ZBTB40: variants seen among roughly 807,000 people sequenced by gnomAD.
The protein encoded by ZBTB40 is zinc finger and BTB domain containing 40.
In ZBTB40, 60 loss-of-function variants were observed where a neutral mutation model predicts 117.5. The ratio of observed to expected loss-of-function variants is 0.51; its 90% confidence interval spans 0.41 to 0.63. The LOEUF is 0.63. ZBTB40 is among the 30% of genes least tolerant of loss of function. The pLI is 0.00. For missense variants in ZBTB40, 1,287 were observed against 1,498.5 expected, an observed-to-expected ratio of 0.86 and a Z score of 2.33; for synonymous variants, 525 against 577.1, an observed-to-expected ratio of 0.91 and a Z score of 1.29.
intron 1 of ZBTB40, among the ~76,000 whole-genome samples, chr1:22,460,104 T>C (rs1346714024): frequency 6.6e-6 from 1 of 152,202 alleles, no homozygotes; most frequent in Non-Finnish European, 1.5e-5. Flanking sequence ...GTTCCCTAAA[T>C]CTCCTTCTTT....
Position 22,489,777 on chromosome 1 carries a change from G to T in ZBTB40, c.-69-103G>T. On this transcript the variant is annotated intron_variant, in intron 1 of 17. Transcript: ENST00000375647. ...CCCTTCCTATTAAGCAATATTTGTT[G>T]GATGAATGAGTGAAATGCCTTTCTG... 3 of 685,624 alleles carry T rather than the reference G, an allele frequency of 4.4e-6. No homozygotes were observed. The South Asian group carries it at 4.7e-5, about 11-fold the overall frequency. The allele number at this position is 685,624 out of a possible 1,614,324, so 42.5% of individuals were successfully genotyped here. A position where few individuals can be genotyped will look rare whatever the true frequency, so the allele number is the denominator to read the frequency against.
At chr1:22,518,034 GCACA>G (rs1639422137) in intron 13 of ZBTB40, among the ~76,000 whole-genome samples, 1 of 152,164 alleles carries the variant, frequency 6.6e-6, no homozygotes, top group Admixed American at 6.5e-5. Flanking sequence ...GCATGCGTGG[GCACA>G]CACACATATA....
At position 22,530,110 on chromosome 1, in the gene ZBTB40, G is replaced by A. The variant is rs1639790959; in HGVS notation, c.*3714G>A. On this transcript the variant is annotated 3_prime_UTR_variant, in exon 18 of 18. Transcript: ENST00000375647. ...GGGAGGGAAGTGCTAACCATGTATA[G>A]AGTGGGCAGGCGGTTCCAGGGAGAC... is the stretch of plus-strand genomic sequence containing the variant. The A allele has an allele frequency of 6.6e-6, 1 of 152,280 alleles. No individual in the cohort carries two copies. The highest frequency in any genetic ancestry group is 2.4e-5 in the African/African-American group (1 of 41,408). 9.4% of individuals were successfully genotyped at this position (152,280 alleles called of 1,614,324 possible). A position where few individuals can be genotyped will look rare whatever the true frequency, so the allele number is the denominator to read the frequency against.
Position 22,490,519 on chromosome 1 carries a change from C to T in ZBTB40, c.571C>T (p.Pro191Ser). Residue 191 changes from proline to serine, a missense_variant, in exon 2 of 18, where the codon CCC becomes TCC. Coordinates refer to ENST00000375647, the MANE Select transcript of ZBTB40 (RefSeq NM_014870.4). ...TTCACAAGAGATGAGTGTGAATTCTCCCACAGCCCAGGAGAGCCAGAGGAA... is the reference window on the plus strand; with the variant it reads ...TTCACAAGAGATGAGTGTGAATTCTTCCACAGCCCAGGAGAGCCAGAGGAA... ...SVSQEMSVNS[P>S]TAQESQRNAE... 6.2e-7 allele frequency: 1 copy of T among 1,606,850 alleles called. No homozygotes were observed. The highest frequency in any genetic ancestry group is 1.1e-5 in the South Asian group (1 of 90,382).
rs922171282 is a variant in ZBTB40 at position 22,459,109 on chromosome 1, A to G, written c.-70+7105A>G. Among the ~76,000 whole-genome samples, 4 of 152,334 alleles carry G rather than the reference A, an allele frequency of 2.6e-5. No homozygotes were observed. In the East Asian group the frequency reaches 7.7e-4, roughly 29 times the overall value. Reference sequence around the variant, plus strand: ...CTTTTTATGAGATAAAGGATATATCATGTCTGTGATACAGATTGCAAATAT... The same window carrying G: ...CTTTTTATGAGATAAAGGATATATCGTGTCTGTGATACAGATTGCAAATAT... On this transcript the variant is annotated intron_variant, in intron 1 of 17. Transcript: ENST00000375647.
At chr1:22,498,863 C>A (rs2124440889) in intron 3 of ZBTB40, among the ~76,000 whole-genome samples, 1 of 151,146 alleles carries the variant, frequency 6.6e-6, no homozygotes, top group Non-Finnish European at 1.5e-5. Flanking sequence ...AAAAGGCAGG[C>A]AGGAAGGAAA....
chr1:22,508,995 T>C (rs1461207886), intron 8 of ZBTB40, 105 bp from the exon 9 acceptor site: 5 of 1,568,270 alleles, frequency 3.2e-6, no homozygotes, highest in African/African-American at 1.4e-5. Context: ...AGATAGGAGA[T>C]AGGGGAAATG....
At chr1:22,434,688 A>C (rs1224984847) in intron 1 of ZBTB40, among the ~76,000 whole-genome samples, 1 of 152,204 alleles carries the variant, frequency 6.6e-6, no homozygotes, top group East Asian at 1.9e-4. Flanking sequence ...TCTTTACTTC[A>C]CATCTTTAGC....
intron 1 of ZBTB40, among the ~76,000 whole-genome samples, chr1:22,442,304 AAGAG>A (rs1293120155): frequency 6.6e-6 from 1 of 152,036 alleles, no homozygotes; most frequent in South Asian, 2.1e-4. Flanking sequence ...GAGAAAGGAC[AAGAG>A]AGAGAGAGAC....
At chr1:22,466,594 T>C (rs557406852) in intron 1 of ZBTB40, among the ~76,000 whole-genome samples, 2 of 152,276 alleles carry the variant, frequency 1.3e-5, no homozygotes, top group East Asian at 3.9e-4. Flanking sequence ...CCTAGTGTTA[T>C]GTGAAGTTGT....
intron 1 of ZBTB40, among the ~76,000 whole-genome samples, chr1:22,463,464 C>T (rs545896527): frequency 1.1e-4 from 16 of 152,290 alleles, no homozygotes; most frequent in African/African-American, 3.6e-4. Context: ...CCTTTCAGTA[C>T]CAGTGACAAA....
chr1:22,513,060 C>G lies in ZBTB40; in HGVS notation c.2598C>G (p.Cys866Trp), dbSNP rs1392813526. 6.2e-7 allele frequency: 1 copy of G among 1,614,198 alleles called. No individual in the cohort carries two copies. Residue 866 changes from cysteine to tryptophan, a missense_variant, in exon 12 of 18, where the codon TGC becomes TGG. This residue lies in a region of ZBTB40 where 417 missense variants were observed against 564.1 expected (regional missense o/e 0.74). Transcript: ENST00000375647. This position sits in a 1 kb window ranked among gnomAD's most constrained non-coding sequence, Gnocchi z 4.9. ...RLHTGDRPFM[C>W]KHCLMTFTQA... Reference sequence around the variant, plus strand: ...ACACCGGGGACCGCCCGTTCATGTGCAAGCACTGCCTCATGACCTTCACCC... The same window carrying G: ...ACACCGGGGACCGCCCGTTCATGTGGAAGCACTGCCTCATGACCTTCACCC...
rs546697014 is a variant in ZBTB40, at chr1:22,436,149, A to C, written c.-70+7135A>C. Among the ~76,000 whole-genome samples, 65 of 152,348 alleles carry C rather than the reference A, an allele frequency of 4.3e-4. No homozygotes were observed. In the South Asian group the frequency reaches 0.013, roughly 32 times the overall value. ...TCTGCCTCCCAGGTTCATATGACCT[A>C]GTCTTCACATTCCTAAGTGTTTAAA... On this transcript the variant is annotated intron_variant, in intron 1 of 8. Coordinates refer to the ZBTB40 transcript ENST00000650433.
intron 1 of ZBTB40, among the ~76,000 whole-genome samples, chr1:22,458,559 G>A (rs1380831520): frequency 2.0e-5 from 3 of 152,176 alleles, no homozygotes; most frequent in Admixed American, 2.0e-4. Flanking sequence ...ATTACTGAAT[G>A]CTGTTTGGGT....
At chr1:22,495,050 T>A (rs1167025499) in intron 3 of ZBTB40, among the ~76,000 whole-genome samples, 1 of 152,228 alleles carries the variant, frequency 6.6e-6, no homozygotes, top group East Asian at 1.9e-4. Context: ...TGTTGTTTAG[T>A]TAATCTTAAC....
intron 1 of ZBTB40, among the ~76,000 whole-genome samples, chr1:22,488,208 A>G (rs1014074891): frequency 1.3e-5 from 2 of 152,250 alleles, no homozygotes; most frequent in Admixed American, 1.3e-4. Context: ...AGTAATCAAC[A>G]GTATTTGTGT....
At chr1:22,469,315 C>G (rs1291743671) in intron 1 of ZBTB40, among the ~76,000 whole-genome samples, 1 of 151,036 alleles carries the variant, frequency 6.6e-6, no homozygotes, top group Non-Finnish European at 1.5e-5. Context: ...TGTATTACTT[C>G]TTTTTTTTTA....
At position 22,526,645 on chromosome 1, in the gene ZBTB40, T is replaced by C; in HGVS notation, c.*249T>C. On this transcript the variant is annotated 3_prime_UTR_variant, in exon 18 of 18. Coordinates refer to ENST00000375647, the MANE Select transcript of ZBTB40 (RefSeq NM_014870.4). ...GCCTCCCTCCCCACAGGCCCGCTGCTGCGGCCTCTATGACACTGTCCATCC... is the reference window on the plus strand; with the variant it reads ...GCCTCCCTCCCCACAGGCCCGCTGCCGCGGCCTCTATGACACTGTCCATCC... 1 of 516,468 alleles carries C rather than the reference T, an allele frequency of 1.9e-6. No homozygotes were observed. Among genetic ancestry groups the C allele is most frequent in the South Asian group, 1.9e-5 (1 of 51,314 alleles). The allele number at this position is 516,468 out of a possible 1,614,324, so 32.0% of individuals were successfully genotyped here.
intron 12 of ZBTB40, 58 bp from the exon 13 acceptor site, chr1:22,517,242 T>G: frequency 6.2e-7 from 1 of 1,606,588 alleles, no homozygotes; most frequent in Non-Finnish European, 8.5e-7. Context: ...TAGATTTTGT[T>G]TGTAGCAATG....
Sources: allele counts gnomAD v4.1 joint callset (sites outside exome capture counted in the v4.1 genomes callset), GRCh38; gene constraint gnomAD v4.1.1; regional missense constraint gnomAD v4.1.1; non-coding constraint Gnocchi (gnomAD v3.1); transcripts MANE v1.5; gene names NCBI Gene and HGNC (gene_info 2026-07-23, HGNC 2026-07-21).